Variants in STAB2 observed in about 807,000 individuals in gnomAD.
The protein encoded by STAB2 is stabilin-2.
In STAB2, 288 loss-of-function variants were observed where a neutral mutation model predicts 338.1. That is an observed-to-expected ratio of 0.85 (90% CI 0.77 to 0.94). STAB2 has a LOEUF of 0.94. Among genes scored for constraint, STAB2 ranks in the 40% least tolerant of loss-of-function variants. STAB2 has a pLI of 0.00. For synonymous variants in STAB2, 1,202 were observed against 1,193.3 expected (o/e 1.01, Z -0.15); for missense variants, 3,141 against 3,210.1 (o/e 0.98, Z 0.52).
At chr12:103,736,969 A>G (rs1488222710) in intron 52 of STAB2, among the ~76,000 whole-genome samples, 1 of 152,234 alleles carries the variant, frequency 6.6e-6, no homozygotes, top group Non-Finnish European at 1.5e-5. Context: ...AAATGAAATA[A>G]TATCTCCAAA....
At chr12:103,604,355 C>T (rs73187875) in intron 3 of STAB2, among the ~76,000 whole-genome samples, 1,688 of 152,074 alleles carry the variant, frequency 0.011, 12 homozygotes, top group Middle Eastern at 0.034. Context: ...GTTTTGGAAT[C>T]GGGATAATAA....
intron 2 of STAB2, among the ~76,000 whole-genome samples, chr12:103,593,207 G>C (rs1008516383): frequency 6.6e-6 from 1 of 152,064 alleles, no homozygotes; most frequent in African/African-American, 2.4e-5. Context: ...TGGATCATAT[G>C]GTAGTTTTAT....
chr12:103,705,820 C>T, intron 37 of STAB2, 93 bp downstream of exon 37: 7 of 1,174,764 alleles, frequency 6.0e-6, no homozygotes, highest in Non-Finnish European at 7.5e-6. Context: ...TGCAGGTATG[C>T]TTTCTGCCAT....
Position 103,699,083 on chromosome 12 carries a change from G to A in STAB2, c.3583-13G>A, listed in dbSNP as rs368133508. On this transcript the variant is annotated splice_polypyrimidine_tract_variant and intron_variant, in intron 33 of 68. Transcript: ENST00000388887. ...GATCTCTTGACTGACTTCCAATTCT[G>A]TGTGTGATCCAGGAGGAGGACGTCC... is the stretch of plus-strand genomic sequence containing the variant. 6.2e-7 allele frequency: 1 copy of A among 1,602,670 alleles called. No individual in the cohort carries two copies.
At position 103,735,546 on chromosome 12, in the gene STAB2, A is replaced by C; in HGVS notation, c.5516A>C (p.Glu1839Ala). The part of the protein sequence containing the change: ...STAWKTLQGS[E>A]LSVKCGAGRD... ...GCCTGGAAGACCCTGCAAGGTTCAGAGCTGAGTGTGAAATGTGGAGCTGGC... is the reference window on the plus strand; with the variant it reads ...GCCTGGAAGACCCTGCAAGGTTCAGCGCTGAGTGTGAAATGTGGAGCTGGC... The change falls in exon 52 of 69, where the codon GAG becomes GCG. Residue 1839 changes from glutamate (E) to alanine (A), a missense_variant. Transcript: ENST00000388887. The C allele has an allele frequency of 6.6e-7, 1 of 1,525,408 alleles. No individual in the cohort carries two copies. The allele number at this position is 1,525,408 out of a possible 1,614,324, so 94.5% of individuals were successfully genotyped here.
chr12:103,701,201 G>A (rs1450699486), intron 34 of STAB2, among the ~76,000 whole-genome samples: 1 of 151,108 alleles, frequency 6.6e-6, no homozygotes, highest in Non-Finnish European at 1.5e-5. Flanking sequence ...TTTTATGGCT[G>A]CATAGTATTC....
At chr12:103,685,422 C>CTGTGTGTGTGTGTGTGTGTGTGTGTG (rs141365936) in intron 27 of STAB2, among the ~76,000 whole-genome samples, 2 of 145,816 alleles carry the variant, frequency 1.4e-5, no homozygotes, top group African/African-American at 2.5e-5. Flanking sequence ...CTTACCCATG[C>CTGTGTGTGTGTGTGTGTGTGTGTGTG]TGTGTGTGTG....
At chr12:103,612,624 G>A (rs1284992926) in intron 3 of STAB2, among the ~76,000 whole-genome samples, 1 of 152,030 alleles carries the variant, frequency 6.6e-6, no homozygotes, top group Non-Finnish European at 1.5e-5. Flanking sequence ...CTTTGCCATG[G>A]GTTCAAACTT....
chr12:103,702,663 C>T (rs1264818977), intron 34 of STAB2, among the ~76,000 whole-genome samples: 2 of 152,192 alleles, frequency 1.3e-5, no homozygotes, highest in Non-Finnish European at 2.9e-5. Context: ...GCACATTAAC[C>T]ATGAAGCGGA....
At chr12:103,742,644 T>TC (rs1882680317) in intron 56 of STAB2, 90 bp downstream of exon 56, 2 of 1,564,856 alleles carry the variant, frequency 1.3e-6, no homozygotes, top group South Asian at 2.4e-5. Context: ...CCTGGAGGCA[T>TC]CCTTTTGTCC....
intron 36 of STAB2, 57 bp from the exon 37 acceptor site, chr12:103,705,575 G>A: frequency 4.6e-6 from 7 of 1,512,396 alleles, no homozygotes; most frequent in Non-Finnish European, 6.4e-6. Context: ...CTTGCTTTCG[G>A]AGACTGGAAA....
chr12:103,747,995 CAAAAAAA>C (rs57369480), intron 58 of STAB2, among the ~76,000 whole-genome samples: 28 of 96,734 alleles, frequency 2.9e-4, no homozygotes, highest in East Asian at 6.2e-4. Context: ...ACTCTGTCTC[CAAAAAAA>C]AAAAAAAAAA....
At chr12:103,675,890 C>T in intron 23 of STAB2, 38 bp from the exon 24 acceptor site, 1 of 1,547,426 alleles carries the variant, frequency 6.5e-7, no homozygotes, top group East Asian at 2.3e-5. Flanking sequence ...GTCGTTGGTG[C>T]TTATTCTGGG....
intron 68 of STAB2, among the ~76,000 whole-genome samples, chr12:103,765,812 G>GATT (rs915002878): frequency 5.6e-4 from 86 of 152,326 alleles, no homozygotes; most frequent in African/African-American, 2.0e-3. Flanking sequence ...GAAGTGCTGG[G>GATT]ATTACAGGCG....
In STAB2 at chr12:103,663,026, G is replaced by A. The variant is rs1316546392; in HGVS notation, c.2022+28G>A. 13 of 1,612,350 alleles carry A rather than the reference G, an allele frequency of 8.1e-6. 1 individual carries two copies. The highest frequency in any genetic ancestry group is 1.1e-5 in the South Asian group (1 of 90,938). ...AAGAAAACTAGGAAAATAAGTAAGG[G>A]CCCCAAACAGCCCCTCAGAGCAGAG... On this transcript the variant is annotated intron_variant, in intron 18 of 68. Coordinates refer to ENST00000388887, the MANE Select transcript of STAB2 (RefSeq NM_017564.10).
At chr12:103,698,222 C>T (rs1348986228) in intron 33 of STAB2, among the ~76,000 whole-genome samples, 1 of 152,152 alleles carries the variant, frequency 6.6e-6, no homozygotes, top group East Asian at 1.9e-4. Context: ...CAGCCTCAGC[C>T]CCAGCATCAT....
intron 25 of STAB2, among the ~76,000 whole-genome samples, chr12:103,681,676 C>A (rs551323278): frequency 7.6e-6 from 1 of 132,076 alleles, no homozygotes; most frequent in South Asian, 2.5e-4. Flanking sequence ...GGCTGGAGTG[C>A]AATGGTGCGA....
intron 42 of STAB2, among the ~76,000 whole-genome samples, chr12:103,715,135 G>A (rs1049083548): frequency 6.6e-6 from 1 of 151,996 alleles, no homozygotes; most frequent in Non-Finnish European, 1.5e-5. Context: ...CCTTTATTTG[G>A]GGTTTGCCTG....
intron 3 of STAB2, among the ~76,000 whole-genome samples, chr12:103,613,081 G>A (rs1172844010): frequency 6.6e-6 from 1 of 152,174 alleles, no homozygotes; most frequent in Admixed American, 6.5e-5. Context: ...GCCGTGTGAG[G>A]TGTCAGTCTG....
Sources: allele counts gnomAD v4.1 joint callset (sites outside exome capture counted in the v4.1 genomes callset), GRCh38; gene constraint gnomAD v4.1.1; transcripts MANE v1.5; gene names NCBI Gene and HGNC (gene_info 2026-07-23, HGNC 2026-07-21).